The following DENND1B variants were observed in gnomAD, a reference collection of about 807,000 sequenced individuals.
DENND1B encodes DENN domain containing 1B, also known as DENN domain-containing protein 1B.
In DENND1B, 59 loss-of-function variants were observed where a neutral mutation model predicts 90.1. The ratio of observed to expected loss-of-function variants is 0.65; its 90% CI spans 0.53 to 0.81. DENND1B has a LOEUF of 0.81. DENND1B is among the 40% of genes least tolerant of loss of function. The pLI is 0.00. For synonymous variants in DENND1B, 337 were observed against 324.6 expected (o/e 1.04, Z -0.41); for missense variants, 862 against 912.6 (o/e 0.94, Z 0.71).
chr1:197,656,216 G>T (rs1653808201), intron 6 of DENND1B, among the ~76,000 whole-genome samples: 1 of 151,752 alleles, frequency 6.6e-6, no homozygotes, highest in Non-Finnish European at 1.5e-5. Context: ...AGAGAAAAGA[G>T]AACCAAGAAT....
Position 197,765,561 on chromosome 1 carries a change from T to A in DENND1B, c.82+7307A>T, listed in dbSNP as rs575032888. On this transcript the variant is annotated intron_variant, in intron 2 of 22. Transcript: ENST00000620048. The stretch of plus-strand genomic sequence containing the variant: ...TAAGAAAAATCTGAAAATGAGAGAA[T>A]ATTATCAAAAGCACATCAGGAACAT... Among the ~76,000 whole-genome samples, 21 of 152,154 alleles carry A rather than the reference T, an allele frequency of 1.4e-4. No homozygotes were observed. In the East Asian group the frequency reaches 4.1e-3, roughly 29 times the overall value.
the DENND1B span, among the ~76,000 whole-genome samples, chr1:197,781,715 A>C: frequency 1.3e-5 from 2 of 152,186 alleles, no homozygotes; most frequent in Non-Finnish European, 2.9e-5. Flanking sequence ...TAGAGTTAGC[A>C]TTCTATGTTG....
At chr1:197,624,526 G>A (rs1278141380) in intron 10 of DENND1B, among the ~76,000 whole-genome samples, 1 of 151,608 alleles carries the variant, frequency 6.6e-6, no homozygotes, top group Non-Finnish European at 1.5e-5. Context: ...GACTTTTAGA[G>A]ACAACACCAA....
intron 10 of DENND1B, among the ~76,000 whole-genome samples, chr1:197,631,282 G>A (rs944711461): frequency 3.9e-5 from 6 of 151,984 alleles, no homozygotes; most frequent in African/African-American, 9.7e-5. Flanking sequence ...TACAATATAA[G>A]AATCATTGTA....
intron 20 of DENND1B, among the ~76,000 whole-genome samples, chr1:197,516,430 A>C: frequency 6.6e-6 from 1 of 151,848 alleles, no homozygotes. Flanking sequence ...AAAAAAGAGA[A>C]AAAATTAAGG....
At chr1:197,546,179 T>C (rs1670806462) in intron 17 of DENND1B, among the ~76,000 whole-genome samples, 189 bp from the exon 18 acceptor site, 1 of 152,182 alleles carries the variant, frequency 6.6e-6, no homozygotes, top group African/African-American at 2.4e-5. Flanking sequence ...TCAAACAAAA[T>C]GTACACTTTC....
chr1:197,517,700 TAC>T (rs1668496325), intron 20 of DENND1B, among the ~76,000 whole-genome samples: 1 of 151,918 alleles, frequency 6.6e-6, no homozygotes, highest in Non-Finnish European at 1.5e-5. Flanking sequence ...AATGGCCCCT[TAC>T]AGTCTTCAGG....
intron 20 of DENND1B, among the ~76,000 whole-genome samples, chr1:197,514,653 A>G (rs1042897165): frequency 1.3e-5 from 2 of 151,586 alleles, no homozygotes; most frequent in African/African-American, 2.4e-5. Flanking sequence ...GGCTACATAA[A>G]TGGTTTCTGG....
chr1:197,551,565 C>G (rs1671245188), intron 16 of DENND1B, among the ~76,000 whole-genome samples: 1 of 152,084 alleles, frequency 6.6e-6, no homozygotes, highest in Non-Finnish European at 1.5e-5. Flanking sequence ...GAAAAGCCAC[C>G]TATCTCTACT....
chr1:197,553,200 T>G (rs996489748), intron 15 of DENND1B, 88 bp from the exon 16 acceptor site: 4 of 1,065,414 alleles, frequency 3.8e-6, no homozygotes, highest in Non-Finnish European at 5.2e-6. Flanking sequence ...GTTAGATTTT[T>G]ACTTACATCA....
intron 13 of DENND1B, chr1:197,605,936 G>A (rs755562485): frequency 4.6e-5 from 7 of 150,896 alleles, no homozygotes; most frequent in Non-Finnish European, 1.0e-4. Context: ...TTGAGTTTAG[G>A]ATTTTTAAAT....
At chr1:197,625,728 T>A (rs1051578969) in intron 10 of DENND1B, among the ~76,000 whole-genome samples, 2 of 152,002 alleles carry the variant, frequency 1.3e-5, no homozygotes, top group African/African-American at 4.8e-5. Context: ...GCAAATTGGA[T>A]AAAGAGTCAA....
chr1:197,673,287 G>C (rs1043233110), intron 4 of DENND1B, among the ~76,000 whole-genome samples: 2 of 151,894 alleles, frequency 1.3e-5, no homozygotes, highest in African/African-American at 4.8e-5. Flanking sequence ...GGTAGGGGTA[G>C]GGCAATGATT....
At chr1:197,668,499 T>C (rs1242979329) in intron 5 of DENND1B, among the ~76,000 whole-genome samples, 2 of 151,942 alleles carry the variant, frequency 1.3e-5, no homozygotes, top group African/African-American at 4.8e-5. Flanking sequence ...TTTTTTATTA[T>C]TTCTTTAAAT....
chr1:197,771,825 A>G (rs192683563), intron 2 of DENND1B, among the ~76,000 whole-genome samples: 2 of 152,352 alleles, frequency 1.3e-5, no homozygotes, highest in South Asian at 2.1e-4. Flanking sequence ...TACTTTAAGT[A>G]TCTAGAAAGA....
intron 20 of DENND1B, among the ~76,000 whole-genome samples, chr1:197,526,980 T>G (rs575278920): frequency 1.3e-5 from 2 of 152,262 alleles, no homozygotes; most frequent in African/African-American, 4.8e-5. Context: ...ACCCTTGTAA[T>G]CCATAACTGA....
intron 10 of DENND1B, among the ~76,000 whole-genome samples, chr1:197,633,737 C>T (rs1382405673): frequency 6.6e-6 from 1 of 152,154 alleles, no homozygotes; most frequent in Non-Finnish European, 1.5e-5. Flanking sequence ...CTTTCTACTG[C>T]CTGGTTCCTG....
intron 4 of DENND1B, among the ~76,000 whole-genome samples, chr1:197,673,126 A>G (rs1309510117): frequency 6.6e-6 from 1 of 152,180 alleles, no homozygotes; most frequent in East Asian, 1.9e-4. Flanking sequence ...TTTTCAGTGG[A>G]TAGGTTTTTC....
chr1:197,765,070 T>TACTCTTC (rs1382306308), intron 2 of DENND1B, among the ~76,000 whole-genome samples: 1 of 152,226 alleles, frequency 6.6e-6, no homozygotes, highest in Non-Finnish European at 1.5e-5. Context: ...TCTGTTATTC[T>TACTCTTC]ACTCTTCTCT....
Sources: allele counts gnomAD v4.1 joint callset (sites outside exome capture counted in the v4.1 genomes callset), GRCh38; gene constraint gnomAD v4.1.1; transcripts MANE v1.5; gene names NCBI Gene and HGNC (gene_info 2026-07-23, HGNC 2026-07-21).